The following CNGB1 variants were observed in gnomAD, a reference collection of about 807,000 sequenced individuals.
CNGB1 encodes the protein cyclic nucleotide gated channel subunit beta 1.
CNGB1 carries 126 observed loss-of-function variants against 151.7 expected under a neutral mutation model. The observed-to-expected ratio is 0.83, with a 90% CI of 0.72 to 0.96. The LOEUF (loss-of-function observed/expected upper bound fraction) is 0.96, where lower values mean the gene tolerates loss of function less well. CNGB1 is among the 40% of genes least tolerant of loss of function. CNGB1 has a pLI of 0.00. For synonymous variants in CNGB1, 623 were observed against 635.1 expected, an observed-to-expected ratio of 0.98 and a Z score of 0.29; for missense variants, 1,698 against 1,627.0, an observed-to-expected ratio of 1.04 and a Z score of -0.75.
At position 57,949,383 on chromosome 16, in the gene CNGB1, T is replaced by G. The variant is rs1274975772; in HGVS notation, c.1091A>C (p.Glu364Ala). ...KEDEEEEEEE[E>A]EEEEEEEVTE... The stretch of plus-strand genomic sequence containing the variant: ...CACCTCCTCCTCTTCCTCCTCCTCC[T>G]CCTCTTCCTCTTCCTCCTCCTCATC... The change falls in exon 14 of 33, where the codon GAG becomes GCG. Residue 364 changes from glutamate to alanine, a missense_variant. Coordinates refer to ENST00000251102, the MANE Select transcript of CNGB1 (RefSeq NM_001297.5). 1.9e-6 allele frequency: 3 copies of G among 1,612,652 alleles called. No individual in the cohort carries two copies. Among genetic ancestry groups the G allele is most frequent in the Non-Finnish European group, 2.5e-6 (3 of 1,179,778 alleles).
At chr16:57,890,186 C>T (rs1201575114) in intron 31 of CNGB1, among the ~76,000 whole-genome samples, 4 of 152,204 alleles carry the variant, frequency 2.6e-5, no homozygotes, top group African/African-American at 9.7e-5. Flanking sequence ...AAGGCTCCAG[C>T]AAAACTTGTT....
At chr16:57,947,432 C>T (rs1377168810) in intron 14 of CNGB1, among the ~76,000 whole-genome samples, 1 of 152,166 alleles carries the variant, frequency 6.6e-6, no homozygotes, top group African/African-American at 2.4e-5. Flanking sequence ...CAGGCAGCAG[C>T]TAAGTTCCTC....
At chr16:57,887,746 A>G in intron 32 of CNGB1, 109 bp downstream of exon 32, 1 of 1,041,512 alleles carries the variant, frequency 9.6e-7, no homozygotes, top group East Asian at 2.4e-5. Context: ...TAGAAAAAGG[A>G]GGGGGAAGAC....
chr16:57,888,177 A>T, intron 31 of CNGB1, 103 bp from the exon 32 acceptor site: 1 of 1,266,388 alleles, frequency 7.9e-7, no homozygotes, highest in Non-Finnish European at 1.1e-6. Context: ...AGTGGTGGTG[A>T]TTTTGGCTGG....
rs771283959 is a variant in CNGB1, at chr16:57,923,274, C to T, written c.1642G>A (p.Asp548Asn). The T allele has an allele frequency of 2.7e-5, 43 of 1,604,036 alleles. No individual in the cohort carries two copies. The highest frequency in any genetic ancestry group is 3.5e-5 in the Non-Finnish European group (41 of 1,175,142). The change falls in exon 18 of 33, where the codon GAT (aspartate) becomes AAT (asparagine). Residue 548 changes from aspartate to asparagine, a missense_variant and splice_region_variant. Coordinates refer to ENST00000251102, the MANE Select transcript of CNGB1 (RefSeq NM_001297.5). ...TCTGAGACCCCAGAGGGGTCTCACT[C>T]AGTGTCCTTCGGGGTGGTGGGGTCA... ...WSDPTTPKDT[D>N]GQDRAASTAS... is the part of the protein sequence containing the mutation.
chr16:57,911,935 C>A, intron 24 of CNGB1, 60 bp from the exon 25 acceptor site: 13 of 1,604,244 alleles, frequency 8.1e-6, no homozygotes, highest in Non-Finnish European at 1.1e-5. Flanking sequence ...GGTATAGACA[C>A]CTGGACAGTG....
rs1356992077 is a variant in CNGB1 at position 57,923,272 on chromosome 16, C to G, written c.1643+1G>C. On this transcript the variant is annotated splice_donor_variant, in intron 18 of 32. Transcript: ENST00000251102. LOFTEE classifies it high-confidence loss of function. ...TTTCTGAGACCCCAGAGGGGTCTCA[C>G]TCAGTGTCCTTCGGGGTGGTGGGGT... 5.6e-6 allele frequency: 9 copies of G among 1,600,514 alleles called. No homozygotes were observed. In the African/African-American group the frequency reaches 1.2e-4, roughly 21 times the overall value.
rs1427637362 is a variant in CNGB1 at position 57,884,267 on chromosome 16, G to C, written c.3653C>G (p.Pro1218Arg). The change falls in exon 33 of 33, where the codon CCC becomes CGC. Residue 1218 changes from proline (P) to arginine (R), a missense_variant. Coordinates refer to ENST00000251102, the MANE Select transcript of CNGB1 (RefSeq NM_001297.5). ...GCAGATCCTCACCGAGTGCTCTTCGGGCTCGGCCGGCCCCTCCTCCTCTCC... is the reference window on the plus strand; with the variant it reads ...GCAGATCCTCACCGAGTGCTCTTCGCGCTCGGCCGGCCCCTCCTCCTCTCC... ...PEGEEEGPAEPEEHSVRICMS... is the reference protein window; with the variant it reads ...PEGEEEGPAEREEHSVRICMS... 2.5e-6 allele frequency: 4 copies of C among 1,613,666 alleles called. No homozygotes were observed. The Admixed American group carries it at 5.0e-5, about 20-fold the overall frequency.
chr16:57,907,553 T>C (rs943127186), intron 25 of CNGB1, among the ~76,000 whole-genome samples: 2 of 152,342 alleles, frequency 1.3e-5, no homozygotes, highest in Admixed American at 6.5e-5. Context: ...TTATTTCTCA[T>C]AAGAAATCTG....
intron 17 of CNGB1, among the ~76,000 whole-genome samples, chr16:57,931,156 AG>A (rs1414042657): frequency 2.0e-5 from 3 of 151,146 alleles, no homozygotes; most frequent in Non-Finnish European, 4.4e-5. Context: ...AAATTTAAAA[AG>A]TTTTTTTTTT....
chr16:57,963,889 G>T (rs766480504), intron 4 of CNGB1: 18 of 576,612 alleles, frequency 3.1e-5, no homozygotes, highest in Non-Finnish European at 4.6e-5. Context: ...GAATGGAGAT[G>T]AATGCATGAC....
chr16:57,892,472 T>G (rs1332892354), intron 31 of CNGB1, among the ~76,000 whole-genome samples: 2 of 152,052 alleles, frequency 1.3e-5, no homozygotes, highest in Admixed American at 1.3e-4. Context: ...CCAGGTAAGG[T>G]GAGTTTGGGG....
At chr16:57,961,685 G>A (rs1448219400) in intron 7 of CNGB1, among the ~76,000 whole-genome samples, 1 of 151,920 alleles carries the variant, frequency 6.6e-6, no homozygotes, top group Non-Finnish European at 1.5e-5. Context: ...TGAAGTGTGT[G>A]ATTATATATA....
chr16:57,921,518 G>A (rs1002339888), intron 18 of CNGB1, among the ~76,000 whole-genome samples: 1 of 152,080 alleles, frequency 6.6e-6, no homozygotes, highest in Non-Finnish European at 1.5e-5. Flanking sequence ...CACCGTGCCC[G>A]GCCAAGTGTG....
intron 25 of CNGB1, among the ~76,000 whole-genome samples, chr16:57,909,462 T>C (rs58002362): frequency 0.026 from 3,906 of 152,326 alleles, 72 homozygotes; most frequent in East Asian, 0.07. Flanking sequence ...TTTGGCTCAC[T>C]GCAACCTCCC....
rs187874804 is a variant in CNGB1 at position 57,882,433 on chromosome 16, G to C, written c.*1731C>G. ...GACAAGCCATCAACTAGACAAATCT[G>C]TTTCTGACTCTGGGGTTTGGAAATG... On this transcript the variant is annotated 3_prime_UTR_variant, in exon 33 of 33. Coordinates refer to ENST00000251102, the MANE Select transcript of CNGB1 (RefSeq NM_001297.5). 7.2e-5 allele frequency: 11 copies of C among 152,022 alleles called. No homozygotes were observed. Among genetic ancestry groups the C allele is most frequent in the Admixed American group, 5.9e-4 (9 of 15,252 alleles). 9.4% of individuals were successfully genotyped at this position (152,022 alleles called of 1,614,324 possible).
intron 6 of CNGB1, 111 bp from the exon 7 acceptor site, chr16:57,962,721 AG>A: frequency 6.4e-7 from 1 of 1,566,168 alleles, no homozygotes; most frequent in East Asian, 2.2e-5. Flanking sequence ...GGTTCAAAGC[AG>A]GGTCAGTCAG....
At chr16:57,915,522 C>T (rs527882850) in intron 22 of CNGB1, among the ~76,000 whole-genome samples, 187 bp from the exon 23 acceptor site, 11 of 152,300 alleles carry the variant, frequency 7.2e-5, no homozygotes, top group African/African-American at 2.4e-4. Flanking sequence ...GCCCGTGTTG[C>T]CAGCCCCAAG....
intron 13 of CNGB1, 80 bp from the exon 14 acceptor site, chr16:57,949,519 G>A: frequency 6.2e-7 from 1 of 1,603,006 alleles, no homozygotes; most frequent in Non-Finnish European, 8.5e-7. Context: ...ATTTTCTGTA[G>A]GATGTCCCAT....
Sources: allele counts gnomAD v4.1 joint callset (sites outside exome capture counted in the v4.1 genomes callset), GRCh38; gene constraint gnomAD v4.1.1; transcripts MANE v1.5; gene names NCBI Gene and HGNC (gene_info 2026-07-23, HGNC 2026-07-21).